Variants in MTMR7 observed in about 807,000 individuals in gnomAD.
The protein encoded by MTMR7 is myotubularin related protein 7, also known as phosphatidylinositol-3-phosphate phosphatase MTMR7.
A neutral mutation model predicts 81.2 loss-of-function variants in MTMR7; 76 were observed. The observed-to-expected ratio is 0.94, with a 90% confidence interval of 0.78 to 1.13. MTMR7 has a LOEUF of 1.13. Among genes scored for constraint, MTMR7 ranks in the 50% most tolerant of loss-of-function variants. MTMR7 has a pLI of 0.00. For missense variants in MTMR7, 1,044 were observed against 820.0 expected (o/e 1.27, Z -3.34); for synonymous variants, 372 against 289.8 (o/e 1.28, Z -2.88).
intron 1 of MTMR7, among the ~76,000 whole-genome samples, chr8:17,373,451 T>G (rs1347868197): frequency 6.6e-6 from 1 of 152,092 alleles, no homozygotes; most frequent in Non-Finnish European, 1.5e-5. Context: ...GTTACGAAAA[T>G]ATGAGTTTAA....
chr8:17,305,024 A>G (rs1241887281), intron 11 of MTMR7, among the ~76,000 whole-genome samples: 1 of 152,180 alleles, frequency 6.6e-6, no homozygotes, highest in African/African-American at 2.4e-5. Flanking sequence ...GTCAGGTACA[A>G]GAAAACAGGT....
chr8:17,398,905 A>G (rs532997867), intron 1 of MTMR7, among the ~76,000 whole-genome samples: 1 of 152,280 alleles, frequency 6.6e-6, no homozygotes, highest in South Asian at 2.1e-4. Context: ...GGGCATCATC[A>G]ATTTAAAATA....
chr8:17,313,809 T>G (rs755556412), intron 7 of MTMR7, among the ~76,000 whole-genome samples: 11 of 152,174 alleles, frequency 7.2e-5, no homozygotes, highest in Admixed American at 1.3e-4. Context: ...CCTACCCACT[T>G]AGAAGTTTCT....
intron 1 of MTMR7, among the ~76,000 whole-genome samples, chr8:17,399,800 C>CT (rs1355905778): frequency 3.3e-5 from 5 of 151,486 alleles, no homozygotes; most frequent in African/African-American, 1.2e-4. Context: ...TGGAAGCAAA[C>CT]TAAGTGGCCA....
chr8:17,396,400 C>G (rs1821250836), intron 1 of MTMR7, among the ~76,000 whole-genome samples: 1 of 152,172 alleles, frequency 6.6e-6, no homozygotes, highest in Non-Finnish European at 1.5e-5. Context: ...TTCACAGATT[C>G]TTTCTCCTAC....
At chr8:17,409,618 G>A (rs1206904939) in intron 1 of MTMR7, among the ~76,000 whole-genome samples, 1 of 152,136 alleles carries the variant, frequency 6.6e-6, no homozygotes, top group Non-Finnish European at 1.5e-5. Context: ...TACCATTACA[G>A]GACTTCCATC....
intron 7 of MTMR7, among the ~76,000 whole-genome samples, chr8:17,322,926 C>T (rs1818473489): frequency 6.6e-6 from 1 of 150,674 alleles, no homozygotes; most frequent in Non-Finnish European, 1.5e-5. Flanking sequence ...TTCACAACCT[C>T]CCATCTAGAG....
At chr8:17,369,649 T>C (rs539176317) in intron 3 of MTMR7, among the ~76,000 whole-genome samples, 37 of 132,940 alleles carry the variant, frequency 2.8e-4, no homozygotes, top group South Asian at 2.1e-3. Flanking sequence ...TTCTTTTTTT[T>C]TTTTTTTTTT....
At chr8:17,328,727 A>C (rs1045016519) in intron 7 of MTMR7, among the ~76,000 whole-genome samples, 1 of 152,206 alleles carries the variant, frequency 6.6e-6, no homozygotes, top group Non-Finnish European at 1.5e-5. Context: ...TTAAATAAAA[A>C]AAGAAAATAC....
At chr8:17,329,563 A>G (rs59357410) in intron 7 of MTMR7, among the ~76,000 whole-genome samples, 3,545 of 152,328 alleles carry the variant, frequency 0.023, 130 homozygotes, top group African/African-American at 0.081. Flanking sequence ...TGTGTATGCT[A>G]TCAGCACTGG....
intron 5 of MTMR7, among the ~76,000 whole-genome samples, chr8:17,345,395 G>C (rs905784285): frequency 6.6e-6 from 1 of 152,182 alleles, no homozygotes; most frequent in Non-Finnish European, 1.5e-5. Context: ...GTGACCCCAC[G>C]CTCCTGATAC....
chr8:17,330,854 G>C (rs1025380438), intron 7 of MTMR7, among the ~76,000 whole-genome samples: 2 of 152,090 alleles, frequency 1.3e-5, no homozygotes, highest in East Asian at 3.9e-4. Flanking sequence ...CCTTGAATGG[G>C]GATCAAACTA....
At chr8:17,301,973 A>C in intron 13 of MTMR7, 181 bp downstream of exon 13, 2 of 695,944 alleles carry the variant, frequency 2.9e-6, no homozygotes, top group Non-Finnish European at 2.3e-6. Flanking sequence ...AAATGCATTA[A>C]ATGCCTAGGT....
chr8:17,342,385 C>G (rs772661596), intron 5 of MTMR7, among the ~76,000 whole-genome samples: 1 of 152,184 alleles, frequency 6.6e-6, no homozygotes, highest in Non-Finnish European at 1.5e-5. Flanking sequence ...CAGGCAGTGA[C>G]AGAACCCCTC....
chr8:17,387,561 G>A (rs17503256), intron 1 of MTMR7, among the ~76,000 whole-genome samples: 1 of 152,160 alleles, frequency 6.6e-6, no homozygotes. Context: ...TTCTAAGCAT[G>A]TCAGAAGGAT....
intron 6 of MTMR7, among the ~76,000 whole-genome samples, chr8:17,333,416 A>G (rs1412194458): frequency 2.0e-5 from 3 of 152,212 alleles, no homozygotes; most frequent in Admixed American, 2.0e-4. Context: ...ATCCTTTATA[A>G]CAAGCATCAT....
At position 17,313,396 on chromosome 8, in the gene MTMR7, C is replaced by A. The variant is rs376637112; in HGVS notation, c.871G>T (p.Glu291Ter). Residue 291 changes from glutamate to a stop codon, truncating the protein, a stop_gained, in exon 8 of 14, where the codon GAA becomes TAA. Coordinates refer to ENST00000180173, the MANE Select transcript of MTMR7 (RefSeq NM_004686.5). LOFTEE classifies it high-confidence loss of function. ...NSLQKMLEVC[E>*]LKSPSMSDFL... ...TCACTCATGGAGGGAGATTTAAGTT[C>A]ACACACTGCAAGATAAATCATGTTA... The A allele has an allele frequency of 6.2e-7, 1 of 1,605,932 alleles. No homozygotes were observed.
chr8:17,332,697 T>C (rs1052906420), intron 6 of MTMR7, among the ~76,000 whole-genome samples: 2 of 152,210 alleles, frequency 1.3e-5, no homozygotes, highest in African/African-American at 2.4e-5. Flanking sequence ...CAAAATCATA[T>C]AGGTCGAACC....
At chr8:17,379,265 TC>T (rs1336449538) in intron 1 of MTMR7, among the ~76,000 whole-genome samples, 1 of 152,098 alleles carries the variant, frequency 6.6e-6, no homozygotes, top group Non-Finnish European at 1.5e-5. Context: ...AGGTGTCAAC[TC>T]CCAGGCACTG....
Sources: gnomAD v4.1 joint callset for allele counts (sites outside exome capture counted in the v4.1 genomes callset) on GRCh38, gnomAD v4.1.1 for gene constraint, MANE v1.5 for transcripts, NCBI Gene and HGNC (gene_info 2026-07-23, HGNC 2026-07-21) for gene names.